ADGRV1: variants seen among roughly 807,000 people sequenced by gnomAD.
The protein encoded by ADGRV1 is G-protein coupled receptor 98.
Under a neutral mutation model 596.2 loss-of-function variants are expected in ADGRV1, and 359 were observed. The ratio of observed to expected loss-of-function variants is 0.60; its 90% CI spans 0.55 to 0.66. ADGRV1 has a LOEUF of 0.66. Among genes scored for constraint, ADGRV1 ranks in the 30% least tolerant of loss-of-function variants. The probability of loss-of-function intolerance (pLI) is 0.00; values close to 1 mark genes in which losing one functional copy is unlikely to be tolerated. For synonymous variants in ADGRV1, 2,681 were observed against 2,679.2 expected (o/e 1.00, Z -0.02); for missense variants, 7,274 against 7,575.6 (o/e 0.96, Z 1.48).
At chr5:91,133,931 TA>T (rs759632769) in intron 87 of ADGRV1, among the ~76,000 whole-genome samples, 5 of 151,252 alleles carry the variant, frequency 3.3e-5, no homozygotes, top group African/African-American at 7.3e-5. Flanking sequence ...GCTATGCTTT[TA>T]AAAAAAAAGG....
At chr5:90,932,583 A>G (rs7729840) in intron 83 of ADGRV1, among the ~76,000 whole-genome samples, 34,589 of 151,972 alleles carry the variant, frequency 0.23, 4,486 homozygotes, top group Non-Finnish European at 0.3. Context: ...GTGTTCACTA[A>G]AAGTTCTACT....
intron 85 of ADGRV1, among the ~76,000 whole-genome samples, chr5:91,031,861 A>G (rs1784507182): frequency 6.6e-6 from 1 of 152,238 alleles, no homozygotes; most frequent in African/African-American, 2.4e-5. Flanking sequence ...AAAAGTAAAG[A>G]GTAAACTAAT....
At chr5:90,872,968 G>A (rs947314336) in intron 83 of ADGRV1, among the ~76,000 whole-genome samples, 4 of 152,284 alleles carry the variant, frequency 2.6e-5, no homozygotes, top group Admixed American at 2.6e-4. Context: ...ACTTTTTAAT[G>A]AGTGGTCCTT....
intron 85 of ADGRV1, among the ~76,000 whole-genome samples, chr5:91,014,176 C>CACACACACACACACACACACCCA (rs56292568): frequency 8.1e-6 from 1 of 124,076 alleles, no homozygotes; most frequent in Non-Finnish European, 1.7e-5. Context: ...ACACACACAC[C>CACACACACACACACACACACCCA]CCTAGACATA....
At chr5:91,063,793 C>G (rs1218674834) in intron 85 of ADGRV1, among the ~76,000 whole-genome samples, 1 of 152,126 alleles carries the variant, frequency 6.6e-6, no homozygotes, top group East Asian at 1.9e-4. Context: ...ACATAGGAAA[C>G]ACCTGGGAAA....
chr5:91,133,868 T>A (rs1794415077), intron 87 of ADGRV1, among the ~76,000 whole-genome samples: 1 of 152,226 alleles, frequency 6.6e-6, no homozygotes, highest in African/African-American at 2.4e-5. Context: ...TATCATTAAT[T>A]AGGCAATAAC....
chr5:90,849,569 T>C (rs1391984658), intron 79 of ADGRV1, among the ~76,000 whole-genome samples: 1 of 152,046 alleles, frequency 6.6e-6, no homozygotes, highest in Admixed American at 6.5e-5. Context: ...TTTGTATTTT[T>C]TGTAGAGATA....
At position 90,635,279 on chromosome 5, in the gene ADGRV1, G is replaced by A; in HGVS notation, c.2005G>A (p.Ala669Thr). 1 of 1,610,580 alleles carries A rather than the reference G, an allele frequency of 6.2e-7. No homozygotes were observed. The highest frequency in any genetic ancestry group is 8.5e-7 in the Non-Finnish European group (1 of 1,178,404). Residue 669 changes from alanine to threonine, a missense_variant, in exon 10 of 90, where the codon GCT (alanine) becomes ACT (threonine). Transcript: ENST00000405460. ...TATTTTGCATGAACCAGAAGATTTT[G>A]CTGCTGAAGTGGTAAGTAGGCTCTT... ...PIILHEPEDF[A>T]AEVVYIPLHR... is the part of the protein sequence containing the mutation.
intron 85 of ADGRV1, among the ~76,000 whole-genome samples, chr5:90,986,088 A>AATATATATATATATAT (rs4019336): frequency 7.1e-6 from 1 of 141,628 alleles, no homozygotes; most frequent in African/African-American, 2.6e-5. Context: ...ATATATGCAT[A>AATATATATATATATAT]ATATATATAT....
At chr5:90,766,189 G>A (rs919973762) in intron 59 of ADGRV1, among the ~76,000 whole-genome samples, 2 of 152,064 alleles carry the variant, frequency 1.3e-5, no homozygotes, top group Non-Finnish European at 2.9e-5. Context: ...GATTACAGGC[G>A]TGAGCCACTG....
At chr5:91,160,957 A>C (rs1467222108) in intron 89 of ADGRV1, among the ~76,000 whole-genome samples, 1 of 152,196 alleles carries the variant, frequency 6.6e-6, no homozygotes, top group African/African-American at 2.4e-5. Context: ...CAAGCTCAGC[A>C]TGCTTTCAAT....
chr5:90,939,590 A>G (rs1363221586), intron 83 of ADGRV1, among the ~76,000 whole-genome samples: 1 of 152,220 alleles, frequency 6.6e-6, no homozygotes, highest in Non-Finnish European at 1.5e-5. Context: ...AAGTACTATG[A>G]AAGCAAATGG....
chr5:90,987,218 C>T (rs937274950), intron 85 of ADGRV1, among the ~76,000 whole-genome samples: 21 of 152,122 alleles, frequency 1.4e-4, no homozygotes, highest in African/African-American at 4.8e-4. Flanking sequence ...TGGTAGCTCA[C>T]GCCTGTAATC....
rs186354232 is a variant in ADGRV1, at chr5:90,923,722, T to G, written c.17857-41693T>G. Among the ~76,000 whole-genome samples the G allele has an allele frequency of 8.8e-3, 1,337 of 152,266 alleles. 18 individuals are homozygous for G. Among genetic ancestry groups the G allele is most frequent in the African/African-American group, 0.031 (1,289 of 41,536 alleles). On this transcript the variant is annotated intron_variant, in intron 83 of 89. Coordinates refer to ENST00000405460, the MANE Select transcript of ADGRV1 (RefSeq NM_032119.4). ...GTATACATGTGCCATGCTGGTGCGC[T>G]GCACCCACTAAATCGTCATCTAGCA...
intron 21 of ADGRV1, among the ~76,000 whole-genome samples, chr5:90,664,562 G>C: frequency 1.5e-5 from 2 of 130,518 alleles, no homozygotes; most frequent in African/African-American, 3.1e-5. Flanking sequence ...TCTGCAAACA[G>C]GGACAATTTG....
At chr5:90,682,550 A>G (rs1745085131) in intron 27 of ADGRV1, among the ~76,000 whole-genome samples, 1 of 152,240 alleles carries the variant, frequency 6.6e-6, no homozygotes, top group African/African-American at 2.4e-5. Context: ...CACAGGAGCT[A>G]GCTGCTTGCT....
chr5:90,677,297 A>G (rs1744363839), intron 25 of ADGRV1, among the ~76,000 whole-genome samples: 1 of 152,156 alleles, frequency 6.6e-6, no homozygotes, highest in Non-Finnish European at 1.5e-5. Context: ...GTGTTCCCAA[A>G]TCTCAGGTAA....
intron 85 of ADGRV1, among the ~76,000 whole-genome samples, chr5:91,005,442 T>C (rs938226381): frequency 5.9e-5 from 9 of 152,152 alleles, no homozygotes; most frequent in Non-Finnish European, 1.5e-5. Flanking sequence ...ATTCAAGCAA[T>C]TCTTCTGCCT....
Position 91,074,451 on chromosome 5 carries a change from T to A in ADGRV1, c.18310+1847T>A, listed in dbSNP as rs188015459. 2.6e-5 allele frequency among the ~76,000 whole-genome samples: 4 copies of A among 152,354 alleles called. No individual in the cohort carries two copies. In the East Asian group the frequency reaches 7.7e-4, roughly 29 times the overall value. The stretch of plus-strand genomic sequence containing the variant: ...ATTTGGTTTTCTCTTCCTCTGTTAG[T>A]TCACTTAGGATAACAGCCTCCAGCT... On this transcript the variant is annotated intron_variant, in intron 86 of 89. Transcript: ENST00000405460.
Sources: allele counts gnomAD v4.1 joint callset (sites outside exome capture counted in the v4.1 genomes callset), GRCh38; gene constraint gnomAD v4.1.1; transcripts MANE v1.5; gene names NCBI Gene and HGNC (gene_info 2026-07-23, HGNC 2026-07-21).